The following PDE4D variants were observed in gnomAD, a reference collection of about 807,000 sequenced individuals.
The protein encoded by PDE4D is 3',5'-cyclic-AMP phosphodiesterase 4D.
PDE4D carries 24 observed loss-of-function variants against 87.4 expected under a neutral mutation model. The observed-to-expected ratio is 0.27, with a 90% CI of 0.20 to 0.39. The LOEUF (loss-of-function observed/expected upper bound fraction) is 0.39. PDE4D is among the 10% of genes least tolerant of loss of function. The pLI is 1.00. For missense variants in PDE4D, 714 were observed against 1,041.0 expected, an observed-to-expected ratio of 0.69 and a Z score of 4.32; for synonymous variants, 384 against 383.2, an observed-to-expected ratio of 1.00 and a Z score of -0.02.
chr5:59,375,414 A>C (rs915591343), intron 1 of PDE4D, among the ~76,000 whole-genome samples: 6 of 152,196 alleles, frequency 3.9e-5, no homozygotes, highest in African/African-American at 1.4e-4. Flanking sequence ...GAACACCTTT[A>C]TGCACATAAA....
rs190034653 is a variant in PDE4D at position 60,438,887 on chromosome 5, T to C, written c.-90+49055A>G. ...AAGAAAAGCAGTCATTCCCAGACAA[T>C]CTTCTGGAAAGGAAGATTGGTAAAT... On this transcript the variant is annotated intron_variant, in intron 1 of 16. Coordinates refer to the PDE4D transcript ENST00000502484. Among the ~76,000 whole-genome samples the C allele has an allele frequency of 1.8e-3, 279 of 152,182 alleles. 1 individual carries two copies. Among genetic ancestry groups the C allele is most frequent in the African/African-American group, 6.5e-3 (270 of 41,550 alleles).
At chr5:59,694,601 G>A (rs991695207) in intron 1 of PDE4D, among the ~76,000 whole-genome samples, 44 of 152,282 alleles carry the variant, frequency 2.9e-4, no homozygotes, top group African/African-American at 1.0e-3. Flanking sequence ...GTAACTGGGT[G>A]GGAGACTATT....
chr5:60,450,491 G>A (rs1203429299), intron 1 of PDE4D, among the ~76,000 whole-genome samples: 1 of 152,072 alleles, frequency 6.6e-6, no homozygotes, highest in African/African-American at 2.4e-5. Context: ...AGGGACAAAA[G>A]GGCTGAGTGA....
chr5:59,808,200 C>T (rs1467076322), intron 1 of PDE4D, among the ~76,000 whole-genome samples: 1 of 152,190 alleles, frequency 6.6e-6, no homozygotes, highest in Non-Finnish European at 1.5e-5. Context: ...GGCTTCCAGT[C>T]TGATTTTCCT....
At chr5:59,915,755 G>T (rs574192158) in intron 3 of PDE4D, among the ~76,000 whole-genome samples, 1 of 152,146 alleles carries the variant, frequency 6.6e-6, no homozygotes, top group African/African-American at 2.4e-5. Flanking sequence ...TTAATAGGAA[G>T]TATGAGTAAA....
chr5:59,189,432 A>G (rs570194395), intron 3 of PDE4D, among the ~76,000 whole-genome samples: 233 of 152,020 alleles, frequency 1.5e-3, no homozygotes, highest in African/African-American at 5.5e-3. Context: ...GGGATCCAGC[A>G]TAATGCTTGG....
At chr5:59,801,370 A>G (rs1480033448) in intron 1 of PDE4D, among the ~76,000 whole-genome samples, 1 of 152,164 alleles carries the variant, frequency 6.6e-6, no homozygotes, top group Non-Finnish European at 1.5e-5. Flanking sequence ...AATAAAATGG[A>G]CTTACATTAG....
chr5:60,310,598 T>C (rs1414428632), intron 1 of PDE4D, among the ~76,000 whole-genome samples: 1 of 152,206 alleles, frequency 6.6e-6, no homozygotes, highest in East Asian at 1.9e-4. Context: ...GGTTGTGTGA[T>C]TGACTTCTGG....
intron 1 of PDE4D, among the ~76,000 whole-genome samples, chr5:59,592,592 T>C (rs1826067401): frequency 6.6e-6 from 1 of 152,190 alleles, no homozygotes; most frequent in Non-Finnish European, 1.5e-5. Context: ...TAATCTTAAA[T>C]GATAAATTCT....
chr5:59,467,444 G>A (rs1801750483), intron 1 of PDE4D, among the ~76,000 whole-genome samples: 1 of 152,138 alleles, frequency 6.6e-6, no homozygotes, highest in Non-Finnish European at 1.5e-5. Context: ...AGAGAGAAAT[G>A]ATTTAGTAAC....
chr5:59,231,801 TC>T (rs1176201437), intron 1 of PDE4D, among the ~76,000 whole-genome samples: 1 of 152,238 alleles, frequency 6.6e-6, no homozygotes, highest in Non-Finnish European at 1.5e-5. Flanking sequence ...TTTGTTTTGT[TC>T]CCTTGATCTT....
chr5:59,750,566 A>G (rs1447783971), intron 1 of PDE4D, among the ~76,000 whole-genome samples: 1 of 152,138 alleles, frequency 6.6e-6, no homozygotes, highest in Non-Finnish European at 1.5e-5. Flanking sequence ...ACCCTGACTT[A>G]TTCTTCTATA....
chr5:59,692,388 T>C (rs201511273), intron 1 of PDE4D, among the ~76,000 whole-genome samples: 664 of 124,434 alleles, frequency 5.3e-3, no homozygotes, highest in South Asian at 8.1e-3. Context: ...AAAGAAGAAC[T>C]CTTAAGTTAT....
intron 5 of PDE4D, chr5:59,157,434 TAA>T (rs1036987233): frequency 1.4e-6 from 1 of 696,632 alleles, no homozygotes; most frequent in Admixed American, 2.0e-5. Flanking sequence ...GTTACTGGGA[TAA>T]GAGTTACTAT....
At chr5:59,711,377 A>C (rs1754171083) in intron 1 of PDE4D, among the ~76,000 whole-genome samples, 1 of 152,146 alleles carries the variant, frequency 6.6e-6, no homozygotes, top group Non-Finnish European at 1.5e-5. Flanking sequence ...AAAAATTAAC[A>C]ATGTAAATTA....
At chr5:60,075,293 T>C (rs2152899262) in intron 2 of PDE4D, among the ~76,000 whole-genome samples, 1 of 152,344 alleles carries the variant, frequency 6.6e-6, no homozygotes, top group South Asian at 2.1e-4. Flanking sequence ...AGATATCAAA[T>C]TCTCAGTTGG....
At chr5:60,498,738 C>G (rs1224521222) in intron 1 of PDE4D, among the ~76,000 whole-genome samples, 1 of 152,010 alleles carries the variant, frequency 6.6e-6, no homozygotes, top group Non-Finnish European at 1.5e-5. Context: ...TTTTTTTAAT[C>G]TTGTCTGTTC....
chr5:60,211,308 G>A (rs1425644533), intron 1 of PDE4D, among the ~76,000 whole-genome samples: 3 of 152,052 alleles, frequency 2.0e-5, no homozygotes, highest in Non-Finnish European at 4.4e-5. Context: ...AAGAAAACGG[G>A]TCAAGCAACA....
intron 1 of PDE4D, among the ~76,000 whole-genome samples, chr5:59,626,317 G>C (rs541399131): frequency 6.6e-6 from 1 of 152,154 alleles, no homozygotes; most frequent in Non-Finnish European, 1.5e-5. Flanking sequence ...ATTTCATAAA[G>C]TTTATGTGTA....
Sources: gnomAD v4.1 joint callset for allele counts (sites outside exome capture counted in the v4.1 genomes callset) on GRCh38, gnomAD v4.1.1 for gene constraint, MANE v1.5 for transcripts, NCBI Gene and HGNC (gene_info 2026-07-23, HGNC 2026-07-21) for gene names.